GCM2: variants seen among roughly 807,000 people sequenced by gnomAD.
GCM2 encodes chorion-specific transcription factor GCMb.
In GCM2, 21 loss-of-function variants were observed where a neutral mutation model predicts 24.8. The observed-to-expected ratio is 0.85, with a 90% CI of 0.60 to 1.22. The LOEUF is 1.22. Among genes scored for constraint, GCM2 ranks in the 50% most tolerant of loss-of-function variants. The pLI is 0.00. For missense variants in GCM2, 532 were observed against 645.6 expected, an observed-to-expected ratio of 0.82 and a Z score of 1.91; for synonymous variants, 222 against 238.0, an observed-to-expected ratio of 0.93 and a Z score of 0.62.
Position 10,882,013 on chromosome 6 carries a change from T to G in GCM2, c.-220A>C. ...GGGGCCTTGTCCTTGGCCGCGGTGC[T>G]GAACGTTCTCCACCCGAACGGCAGC... On this transcript the variant is annotated 5_prime_UTR_variant, in exon 1 of 5. Coordinates refer to ENST00000379491, the MANE Select transcript of GCM2 (RefSeq NM_004752.4). The G allele has an allele frequency of 1.8e-6, 1 of 569,158 alleles. No homozygotes were observed. The highest frequency in any genetic ancestry group is 3.1e-6 in the Non-Finnish European group (1 of 317,698). 35.3% of individuals were successfully genotyped at this position (569,158 alleles called of 1,614,324 possible). A position where few individuals can be genotyped will look rare whatever the true frequency, so the allele number is the denominator to read the frequency against.
At position 10,881,851 on chromosome 6, in the gene GCM2, C is replaced by T; in HGVS notation, c.-58G>A. The T allele has an allele frequency of 7.4e-7, 1 of 1,358,362 alleles. No individual in the cohort carries two copies. The highest frequency in any genetic ancestry group is 1.0e-6 in the Non-Finnish European group (1 of 962,900). The allele number at this position is 1,358,362 out of a possible 1,614,324, so 84.1% of individuals were successfully genotyped here. A position where few individuals can be genotyped will look rare whatever the true frequency, so the allele number is the denominator to read the frequency against. Reference sequence around the variant, plus strand: ...TTCTGAAAAATAGAAGAAAAAAGGACAGGTGCGCCAGGTGGGTTTTTTTTC... The same window carrying T: ...TTCTGAAAAATAGAAGAAAAAAGGATAGGTGCGCCAGGTGGGTTTTTTTTC... On this transcript the variant is annotated 5_prime_UTR_variant, in exon 1 of 5. Coordinates refer to ENST00000379491, the MANE Select transcript of GCM2 (RefSeq NM_004752.4).
At chr6:10,880,055 AGACCAGCCT>A (rs1020103958) in intron 1 of GCM2, among the ~76,000 whole-genome samples, 6 of 152,190 alleles carry the variant, frequency 3.9e-5, no homozygotes, top group Non-Finnish European at 7.4e-5. Context: ...CAGGAGTTCG[AGACCAGCCT>A]GACCAACATG....
chr6:10,881,500 C>A (rs181230580), intron 1 of GCM2, among the ~76,000 whole-genome samples: 3 of 151,480 alleles, frequency 2.0e-5, no homozygotes, highest in Non-Finnish European at 4.4e-5. Flanking sequence ...TTTGTAGAGT[C>A]CAGTTTTCTT....
At chr6:10,878,202 G>C (rs530940901) in intron 1 of GCM2, among the ~76,000 whole-genome samples, 1 of 152,174 alleles carries the variant, frequency 6.6e-6, no homozygotes, top group East Asian at 1.9e-4. Flanking sequence ...AAAATACTGA[G>C]CATTGCCTTA....
intron 4 of GCM2, 149 bp downstream of exon 4, chr6:10,875,742 A>G: frequency 3.7e-6 from 3 of 804,380 alleles, no homozygotes; most frequent in Non-Finnish European, 6.2e-6. Context: ...CCAAATGTTG[A>G]TTTAATGATA....
Position 10,874,907 on chromosome 6 carries a change from A to T in GCM2, c.609T>A (p.Gly203=). Residue 203 remains glycine (G), a synonymous_variant, in exon 5 of 5, where the codon GGT becomes GGA. Coordinates refer to ENST00000379491, the MANE Select transcript of GCM2 (RefSeq NM_004752.4). ...CCAAGGGAGGTATGTTGCTGAAATGACCACTGCTGTCTTGATTTTCTTCTG... is the reference window on the plus strand; with the variant it reads ...CCAAGGGAGGTATGTTGCTGAAATGTCCACTGCTGTCTTGATTTTCTTCTG... ...SEAEENQDSS[G]HFSNIPPLEN... 1 of 1,613,364 alleles carries T rather than the reference A, an allele frequency of 6.2e-7. No homozygotes were observed. The highest frequency in any genetic ancestry group is 1.3e-5 in the African/African-American group (1 of 75,016).
rs879127820 is a variant in GCM2 at position 10,876,020 on chromosome 6, C to T, written c.457-4G>A. On this transcript the variant is annotated splice_polypyrimidine_tract_variant and splice_region_variant and intron_variant, in intron 3 of 4. Coordinates refer to ENST00000379491, the MANE Select transcript of GCM2 (RefSeq NM_004752.4). Reference sequence around the variant, plus strand: ...GATGATCATGAACTCCCTTGGCCTGCGATAACGAGAAAATGAATCATACAT... The same window carrying T: ...GATGATCATGAACTCCCTTGGCCTGTGATAACGAGAAAATGAATCATACAT... 8 of 1,613,688 alleles carry T rather than the reference C, an allele frequency of 5.0e-6. No homozygotes were observed. Among genetic ancestry groups the T allele is most frequent in the South Asian group, 3.3e-5 (3 of 91,078 alleles).
intron 1 of GCM2, among the ~76,000 whole-genome samples, chr6:10,880,209 C>G (rs533656471): frequency 6.6e-6 from 1 of 152,038 alleles, no homozygotes; most frequent in Non-Finnish European, 1.5e-5. Context: ...GAGCTGAGAT[C>G]GTGTGATTGC....
chr6:10,881,554 ATG>A lies in GCM2; in HGVS notation c.90+148_90+149del, dbSNP rs35911329. ...TCAGAAACCCAGAAATTTTGCGGGT[ATG>A]TGTGTGTGTGTGTGTGTGTGTGTGT... On this transcript the variant is annotated intron_variant, in intron 1 of 4. Coordinates refer to ENST00000379491, the MANE Select transcript of GCM2 (RefSeq NM_004752.4). The A allele has an allele frequency of 0.053, 22,209 of 422,796 alleles. 356 individuals carry two copies. The highest frequency in any genetic ancestry group is 0.067 in the African/African-American group (2,527 of 37,696). 26.2% of individuals were successfully genotyped at this position (422,796 alleles called of 1,614,324 possible).
intron 4 of GCM2, among the ~76,000 whole-genome samples, chr6:10,875,205 A>G (rs538343721): frequency 7.9e-5 from 12 of 152,268 alleles, no homozygotes; most frequent in African/African-American, 2.9e-4. Context: ...GTTCTCACCT[A>G]TACTGTCTTC....
At chr6:10,880,249 C>A (rs1169425374) in intron 1 of GCM2, among the ~76,000 whole-genome samples, 3 of 151,606 alleles carry the variant, frequency 2.0e-5, no homozygotes, top group Non-Finnish European at 4.4e-5. Context: ...GAGCTAAACC[C>A]CGCCTCAAAA....
At position 10,876,522 on chromosome 6, in the gene GCM2, A is replaced by G. The variant is rs1467120102; in HGVS notation, c.379T>C (p.Leu127=). The change falls in exon 3 of 5, where the codon TTG becomes CTG. Residue 127 remains leucine (L), a synonymous_variant. Transcript: ENST00000379491. Reference sequence around the variant, plus strand: ...CCGCTGTGCCCTCGACAAGGAATCAACTCCAAAGCAGAATGACAGTTAGGG... The same window carrying G: ...CCGCTGTGCCCTCGACAAGGAATCAGCTCCAAAGCAGAATGACAGTTAGGG... ...ACPNCHSALE[L]IPCRGHSGYP... 8 of 1,613,884 alleles carry G rather than the reference A, an allele frequency of 5.0e-6. No homozygotes were observed. The highest frequency in any genetic ancestry group is 5.9e-6 in the Non-Finnish European group (7 of 1,179,792).
intron 1 of GCM2, among the ~76,000 whole-genome samples, chr6:10,878,694 C>G (rs1355104966): frequency 6.6e-6 from 1 of 152,162 alleles, no homozygotes; most frequent in Non-Finnish European, 1.5e-5. Context: ...GGAACAGAAA[C>G]AGTATGACCT....
chr6:10,873,436 CATTGCTAGAG>C lies in GCM2; in HGVS notation c.*549_*558del, dbSNP rs1365103365. The C allele has an allele frequency of 6.3e-6, 1 of 157,738 alleles. No homozygotes were observed. The highest frequency in any genetic ancestry group is 2.4e-5 in the African/African-American group (1 of 41,426). The allele number at this position is 157,738 out of a possible 1,614,324, so 9.8% of individuals were successfully genotyped here. A position where few individuals can be genotyped will look rare whatever the true frequency, so the allele number is the denominator to read the frequency against. Reference sequence around the variant, plus strand: ...TCTTTTAAAAACAACTGAACTTTACCATTGCTAGAGATTTTTTGAAAAGCTGTAGATACAC... The same window carrying C: ...TCTTTTAAAAACAACTGAACTTTACCATTTTTTGAAAAGCTGTAGATACAC... On this transcript the variant is annotated 3_prime_UTR_variant, in exon 5 of 5. Coordinates refer to ENST00000379491, the MANE Select transcript of GCM2 (RefSeq NM_004752.4).
At position 10,876,464 on chromosome 6, in the gene GCM2, C is replaced by T; in HGVS notation, c.437G>A (p.Gly146Asp). 2 of 1,611,634 alleles carry T rather than the reference C, an allele frequency of 1.2e-6. No individual in the cohort carries two copies. Among genetic ancestry groups the T allele is most frequent in the Non-Finnish European group, 1.7e-6 (2 of 1,177,754 alleles). ...ACCTACCTGAAAAAAGATCGCGTTGCCATCAAGCCGCCAAAAGTTGGTTAC... is the reference window on the plus strand; with the variant it reads ...ACCTACCTGAAAAAAGATCGCGTTGTCATCAAGCCGCCAAAAGTTGGTTAC... ...YPVTNFWRLDGNAIFFQAKGV... is the reference protein window; with the variant it reads ...YPVTNFWRLDDNAIFFQAKGV... The change falls in exon 3 of 5, where the codon GGC becomes GAC. Residue 146 changes from glycine to aspartate, a missense_variant. Transcript: ENST00000379491.
chr6:10,874,247 C>CGG lies in GCM2; in HGVS notation c.1268_1269insCC (p.Met423IlefsTer13). 6.2e-7 allele frequency: 1 copy of CGG among 1,614,228 alleles called. No homozygotes were observed. Among genetic ancestry groups the CGG allele is most frequent in the Non-Finnish European group, 8.5e-7 (1 of 1,180,032 alleles). ...GACCCCAGGGTTCTGGATAGACAGA[C>CGG]ATCCCAGTATCTTCAGGAGCATAGT... On this transcript the variant is annotated frameshift_variant, in exon 5 of 5. Coordinates refer to ENST00000379491, the MANE Select transcript of GCM2 (RefSeq NM_004752.4). LOFTEE classifies it low-confidence loss of function (END_TRUNC).
intron 1 of GCM2, among the ~76,000 whole-genome samples, chr6:10,880,422 C>A (rs1464476543): frequency 1.3e-5 from 2 of 152,180 alleles, no homozygotes; most frequent in African/African-American, 2.4e-5. Flanking sequence ...CTATCAGACA[C>A]ATTTTAGTTG....
Position 10,881,788 on chromosome 6 carries a change from C to G in GCM2, c.6G>C (p.Pro2=). ...CGACCGCTTCCTGCACCGCGGCCGC[C>G]GGCATCTGCCCAACTCGCTCGCGCT... M[P]AAAVQEAVGV... is the part of the protein sequence containing the mutation. The change falls in exon 1 of 5, where the codon CCG becomes CCC. Residue 2 remains proline, a synonymous_variant. Coordinates refer to ENST00000379491, the MANE Select transcript of GCM2 (RefSeq NM_004752.4). The G allele has an allele frequency of 6.2e-7, 1 of 1,607,302 alleles. No homozygotes were observed. The highest frequency in any genetic ancestry group is 8.5e-7 in the Non-Finnish European group (1 of 1,179,800).
rs9379881 is a variant in GCM2 at position 10,877,634 on chromosome 6, T to C, written c.91-242A>G. On this transcript the variant is annotated intron_variant, in intron 1 of 4. Coordinates refer to ENST00000379491, the MANE Select transcript of GCM2 (RefSeq NM_004752.4). ...ATTAGTTCATCTAGACTTCAAATTA[T>C]AGGCAAACAATTATTTCCAATTTGC... Among the ~76,000 whole-genome samples, 59,236 of 152,074 alleles carry C rather than the reference T, an allele frequency of 0.39. 13,133 individuals carry two copies. The highest frequency in any genetic ancestry group is 0.67 in the East Asian group (3,444 of 5,170).
Sources: allele counts gnomAD v4.1 joint callset (sites outside exome capture counted in the v4.1 genomes callset), GRCh38; gene constraint gnomAD v4.1.1; transcripts MANE v1.5; gene names NCBI Gene and HGNC (gene_info 2026-07-23, HGNC 2026-07-21).